Variants in ALDH4A1 observed in about 807,000 individuals in gnomAD.
ALDH4A1 encodes the protein delta-1-pyrroline-5-carboxylate dehydrogenase, mitochondrial.
ALDH4A1 carries 46 observed loss-of-function variants against 70.5 expected under a neutral mutation model. That is an observed-to-expected ratio of 0.65 (90% CI 0.51 to 0.83). The LOEUF is 0.83. ALDH4A1 is among the 40% of genes least tolerant of loss of function. The pLI, the probability that ALDH4A1 is intolerant of heterozygous loss-of-function variation, is 0.00. For missense variants in ALDH4A1, 749 were observed against 766.5 expected (o/e 0.98, Z 0.27); for synonymous variants, 323 against 324.3 (o/e 1.00, Z 0.04).
chr1:18,884,477 G>T (rs1049991227), intron 5 of ALDH4A1, among the ~76,000 whole-genome samples: 2 of 151,906 alleles, frequency 1.3e-5, no homozygotes, highest in African/African-American at 4.8e-5. Flanking sequence ...TTTCTCCCTC[G>T]ACTCCTGTCC....
rs1363766914 is a variant in ALDH4A1 at position 18,883,306 on chromosome 1, G to A, written c.576C>T (p.Thr192=). ...GQQPISVPPS[T]NSTVYRGLEG... ...CCAGACCCCGGTACACCGTGCTGTT[G>A]GTGCTCGGGGGCACGCTGATGGGCT... Residue 192 remains threonine, a synonymous_variant, in exon 6 of 15, where the codon ACC becomes ACT. Transcript: ENST00000375341. The A allele has an allele frequency of 6.2e-7, 1 of 1,613,264 alleles. No homozygotes were observed. The highest frequency in any genetic ancestry group is 2.2e-5 in the East Asian group (1 of 44,886).
intron 1 of ALDH4A1, chr1:18,890,637 G>A (rs1228795105): frequency 1.0e-6 from 1 of 959,666 alleles, no homozygotes; most frequent in African/African-American, 1.8e-5. Context: ...CCTGTGAGTT[G>A]CCTCCTGTGA....
chr1:18,886,346 A>C, intron 4 of ALDH4A1, 118 bp downstream of exon 4: 13 of 1,132,082 alleles, frequency 1.1e-5, no homozygotes, highest in Non-Finnish European at 1.3e-5. Context: ...CCTACCCACC[A>C]TGGCCAAAGA....
chr1:18,885,296 C>G, intron 5 of ALDH4A1, 177 bp downstream of exon 5: 1 of 650,744 alleles, frequency 1.5e-6, no homozygotes, highest in Non-Finnish European at 2.7e-6. Context: ...TCTGTCTCGC[C>G]TAATAATCTG....
In ALDH4A1 at chr1:18,898,826, G is replaced by A. The variant is rs1935706661; in HGVS notation, c.62+3636C>T. Among the ~76,000 whole-genome samples, 1 of 152,240 alleles carries A rather than the reference G, an allele frequency of 6.6e-6. No individual in the cohort carries two copies. The highest frequency in any genetic ancestry group is 1.5e-5 in the Non-Finnish European group (1 of 68,044). On this transcript the variant is annotated intron_variant, in intron 1 of 14. Coordinates refer to ENST00000375341, the MANE Select transcript of ALDH4A1 (RefSeq NM_003748.4). The surrounding 1 kb of genome is among the most constrained non-coding windows in gnomAD (Gnocchi z 4.3). ...AGATGCAGGGCACAGGAGGCAGGCTGCTCCCAGGGGTGCCACTGCCAAGCA... is the reference window on the plus strand; with the variant it reads ...AGATGCAGGGCACAGGAGGCAGGCTACTCCCAGGGGTGCCACTGCCAAGCA...
intron 7 of ALDH4A1, chr1:18,882,424 C>G: frequency 2.4e-6 from 1 of 421,056 alleles, no homozygotes; most frequent in Non-Finnish European, 4.9e-6. Context: ...ACCTCTCCCA[C>G]CCAGGCTGTC....
rs1333431565 is a variant in ALDH4A1, at chr1:18,880,096, C to T, written c.867-723G>A. On this transcript the variant is annotated intron_variant, in intron 8 of 14. Coordinates refer to ENST00000375341, the MANE Select transcript of ALDH4A1 (RefSeq NM_003748.4). This position sits in a 1 kb window ranked among gnomAD's most constrained non-coding sequence, Gnocchi z 5.1. ...CTGATAGGCGGGGAGCCCAGGGGCC[C>T]GTGGCTGGCAGAGCAGGCCTTTTGG... is the stretch of plus-strand genomic sequence containing the variant. Among the ~76,000 whole-genome samples, 3 of 152,200 alleles carry T rather than the reference C, an allele frequency of 2.0e-5. No individual in the cohort carries two copies. The highest frequency in any genetic ancestry group is 6.5e-5 in the Admixed American group (1 of 15,286).
intron 7 of ALDH4A1, among the ~76,000 whole-genome samples, chr1:18,882,372 A>G (rs1252993460): frequency 6.6e-6 from 1 of 152,184 alleles, no homozygotes; most frequent in Non-Finnish European, 1.5e-5. Context: ...ATCAGCATCC[A>G]GTGCCCCTGT....
rs780469385 is a variant in ALDH4A1, at chr1:18,883,133, C to T, written c.669G>A (p.Pro223=). ...TAIGGNLAGA[P]ALMGNVVLWK... is the part of the protein sequence containing the mutation. The stretch of plus-strand genomic sequence containing the variant: ...TGTGCCCACATCTCACCATCAGGGC[C>T]GGTGCCCCCGCCAGGTTGCCGCCGA... The change falls in exon 7 of 15, where the codon CCG becomes CCA. Residue 223 remains proline, a synonymous_variant. Transcript: ENST00000375341. 1.1e-5 allele frequency: 18 copies of T among 1,613,022 alleles called. No individual in the cohort carries two copies. In the South Asian group the frequency reaches 1.4e-4, roughly 13 times the overall value.
intron 14 of ALDH4A1, among the ~76,000 whole-genome samples, chr1:18,873,576 G>A (rs1159552845): frequency 6.6e-6 from 1 of 152,128 alleles, no homozygotes; most frequent in Admixed American, 6.5e-5. Flanking sequence ...GTGTAATGCA[G>A]CCTCCATAAA....
intron 3 of ALDH4A1, among the ~76,000 whole-genome samples, chr1:18,888,641 A>G (rs1400899201): frequency 6.6e-6 from 1 of 152,150 alleles, no homozygotes; most frequent in Non-Finnish European, 1.5e-5. Context: ...TGCTGCTGTC[A>G]GCTGGCACCT....
Position 18,886,513 on chromosome 1 carries a change from T to C in ALDH4A1, c.250-2A>G, listed in dbSNP as rs1296731637. On this transcript the variant is annotated splice_acceptor_variant, in intron 3 of 14. Coordinates refer to ENST00000375341, the MANE Select transcript of ALDH4A1 (RefSeq NM_003748.4). LOFTEE classifies it high-confidence loss of function. The stretch of plus-strand genomic sequence containing the variant: ...CACCTTATGTCCATGGTTAAAAGGC[T>C]GAAAGGAGAGAAGAGTGAGGTCCTT... The C allele has an allele frequency of 1.2e-6, 2 of 1,614,060 alleles. No individual in the cohort carries two copies.
chr1:18,889,936 C>T (rs534292322), intron 2 of ALDH4A1, 76 bp downstream of exon 2: 11 of 1,262,724 alleles, frequency 8.7e-6, no homozygotes, highest in South Asian at 8.0e-5. Context: ...AGGCACGGGG[C>T]GCTATCTCAG....
chr1:18,881,941 C>G, intron 7 of ALDH4A1, 54 bp from the exon 8 acceptor site: 1 of 1,503,132 alleles, frequency 6.7e-7, no homozygotes, highest in Non-Finnish European at 9.1e-7. Flanking sequence ...AGCCCCCAAC[C>G]CCCACCCCAC....
At chr1:18,900,770 A>G in intron 1 of ALDH4A1, 1 of 839,844 alleles carries the variant, frequency 1.2e-6, no homozygotes, top group Non-Finnish European at 1.4e-6. Context: ...AGGAGGCCTC[A>G]TAATTCAGAG....
At chr1:18,885,259 G>A (rs530762189) in intron 5 of ALDH4A1, 18 of 598,960 alleles carry the variant, frequency 3.0e-5, no homozygotes, top group South Asian at 1.2e-4. Flanking sequence ...GGACATTTCC[G>A]AGGCAGGACA....
intron 1 of ALDH4A1, among the ~76,000 whole-genome samples, chr1:18,891,510 C>T (rs1289005465): frequency 6.6e-6 from 1 of 152,134 alleles, no homozygotes; most frequent in African/African-American, 2.4e-5. Context: ...GGAAAACACA[C>T]AGCGTAGGGA....
At chr1:18,902,073 T>C (rs1401979081) in intron 1 of ALDH4A1, among the ~76,000 whole-genome samples, 1 of 151,316 alleles carries the variant, frequency 6.6e-6, no homozygotes, top group East Asian at 1.9e-4. Context: ...AAGTGAGATG[T>C]GTGGTGTGCT....
intron 5 of ALDH4A1, among the ~76,000 whole-genome samples, chr1:18,884,782 G>A (rs1191855885): frequency 2.0e-5 from 3 of 152,168 alleles, no homozygotes; most frequent in Non-Finnish European, 2.9e-5. Flanking sequence ...TAGTCCTTTC[G>A]GCTGGAGAAG....
Sources: gnomAD v4.1 joint callset for allele counts (sites outside exome capture counted in the v4.1 genomes callset) on GRCh38, gnomAD v4.1.1 for gene constraint, Gnocchi (gnomAD v3.1) non-coding constraint, MANE v1.5 for transcripts, NCBI Gene and HGNC (gene_info 2026-07-23, HGNC 2026-07-21) for gene names.